The following MECOM variants were observed in gnomAD, a reference collection of about 807,000 sequenced individuals.
MECOM encodes histone-lysine N-methyltransferase MECOM.
Under a neutral mutation model 116.3 loss-of-function variants are expected in MECOM, and 13 were observed. That is an observed-to-expected ratio of 0.11 (90% confidence interval 0.07 to 0.18). MECOM has a LOEUF of 0.18. Ranked by LOEUF, MECOM falls within the 10% of genes least tolerant of loss-of-function variation. MECOM has a pLI of 1.00. For synonymous variants in MECOM, 528 were observed against 535.2 expected (o/e 0.99, Z 0.19); for missense variants, 1,299 against 1,509.0 (o/e 0.86, Z 2.31).
At chr3:169,194,405 G>A (rs1748134404) in intron 2 of MECOM, among the ~76,000 whole-genome samples, 1 of 151,886 alleles carries the variant, frequency 6.6e-6, no homozygotes, top group Non-Finnish European at 1.5e-5. Context: ...CATGGCACAT[G>A]TATACATATG....
chr3:169,402,254 G>T (rs571702825), intron 1 of MECOM, among the ~76,000 whole-genome samples: 37 of 152,286 alleles, frequency 2.4e-4, no homozygotes, highest in African/African-American at 8.7e-4. Context: ...ACATATGGGG[G>T]CTGAGGACAC....
intron 6 of MECOM, among the ~76,000 whole-genome samples, chr3:169,121,524 G>A (rs1293197092): frequency 6.6e-6 from 1 of 151,946 alleles, no homozygotes; most frequent in Admixed American, 6.6e-5. Context: ...ATAAAATGCT[G>A]GTTAAGCCAT....
intron 1 of MECOM, among the ~76,000 whole-genome samples, chr3:169,454,937 A>G (rs1200188945): frequency 6.6e-6 from 1 of 152,260 alleles, no homozygotes; most frequent in East Asian, 1.9e-4. Flanking sequence ...CAGTAACCCC[A>G]ATTTTTATCT....
intron 2 of MECOM, among the ~76,000 whole-genome samples, chr3:169,304,066 C>T (rs1347336097): frequency 6.6e-6 from 1 of 152,216 alleles, no homozygotes; most frequent in Admixed American, 6.5e-5. Context: ...TTCATCACCC[C>T]TCATGCATGA....
intron 2 of MECOM, among the ~76,000 whole-genome samples, chr3:169,332,809 T>C (rs1722977297): frequency 6.6e-6 from 1 of 152,158 alleles, no homozygotes; most frequent in Admixed American, 6.6e-5. Context: ...TTTAATGATA[T>C]TTTGTCTTAA....
chr3:169,564,240 A>G lies in MECOM; in HGVS notation c.37+99096T>C, dbSNP rs79921271. Reference sequence around the variant, plus strand: ...CATACAAGACATCTACTTGTATTCAAAAGACTAAATGTCACATATATGAAC... The same window carrying G: ...CATACAAGACATCTACTTGTATTCAGAAGACTAAATGTCACATATATGAAC... On this transcript the variant is annotated intron_variant, in intron 1 of 16. Transcript: ENST00000651503. 1.1e-4 allele frequency among the ~76,000 whole-genome samples: 16 copies of G among 152,318 alleles called. No homozygotes were observed. The East Asian group carries it at 2.9e-3, about 28-fold the overall frequency.
rs571507459 is a variant in MECOM, at chr3:169,338,841, C to T, written c.375+42346G>A. On this transcript the variant is annotated intron_variant, in intron 2 of 16. Transcript: ENST00000651503. ...GTTATTTTTTGTCTTTGCTGTTTAT[C>T]GTTACTCATAGTGTCTTAGCAGATC... Among the ~76,000 whole-genome samples the T allele has an allele frequency of 2.6e-4, 39 of 152,010 alleles. No homozygotes were observed. The South Asian group carries it at 2.9e-3, about 11-fold the overall frequency.
intron 1 of MECOM, among the ~76,000 whole-genome samples, chr3:169,538,501 G>A (rs1759663600): frequency 6.6e-6 from 1 of 152,108 alleles, no homozygotes; most frequent in Non-Finnish European, 1.5e-5. Context: ...TCCTCAGTTT[G>A]CAAAACAGAG....
At chr3:169,103,102 T>G (rs980738766) in intron 10 of MECOM, among the ~76,000 whole-genome samples, 2 of 150,668 alleles carry the variant, frequency 1.3e-5, no homozygotes, top group African/African-American at 4.9e-5. Flanking sequence ...AAGATGGCAT[T>G]TACTTTTAAA....
At position 169,403,198 on chromosome 3, in the gene MECOM, C is replaced by A. The variant is rs144144178; in HGVS notation, c.38-21674G>T. ...CAGTACTGGGTGGCTCCCCAGCCCACAGGTCCCTCAGCCTATGTGCCTTCT... is the reference window on the plus strand; with the variant it reads ...CAGTACTGGGTGGCTCCCCAGCCCAAAGGTCCCTCAGCCTATGTGCCTTCT... On this transcript the variant is annotated intron_variant, in intron 1 of 16. Transcript: ENST00000651503. Among the ~76,000 whole-genome samples, 204 of 152,316 alleles carry A rather than the reference C, an allele frequency of 1.3e-3. 1 individual carries two copies. The highest frequency in any genetic ancestry group is 4.6e-3 in the African/African-American group (193 of 41,568).
intron 2 of MECOM, among the ~76,000 whole-genome samples, chr3:169,162,973 A>AT (rs1743062553): frequency 6.6e-6 from 1 of 152,154 alleles, no homozygotes; most frequent in Non-Finnish European, 1.5e-5. Context: ...GGGTCTTCCT[A>AT]TTTTGTTTAA....
At chr3:169,497,885 T>C (rs1578268124) in intron 1 of MECOM, among the ~76,000 whole-genome samples, 2 of 152,242 alleles carry the variant, frequency 1.3e-5, no homozygotes, top group South Asian at 4.1e-4. Context: ...AAGAGTTTTG[T>C]TTTGTTTTGT....
chr3:169,475,335 G>A (rs1286714349), intron 1 of MECOM, among the ~76,000 whole-genome samples: 1 of 152,024 alleles, frequency 6.6e-6, no homozygotes, highest in East Asian at 1.9e-4. Flanking sequence ...TTGTCCCCTG[G>A]CCCAACTTTA....
At chr3:169,261,701 CAAG>C (rs1240526229) in intron 2 of MECOM, among the ~76,000 whole-genome samples, 2 of 147,746 alleles carry the variant, frequency 1.4e-5, no homozygotes, top group African/African-American at 2.6e-5. Context: ...AACTCCATCT[CAAG>C]AAGAAGAAGA....
At chr3:169,503,819 G>A (rs1383284159) in intron 1 of MECOM, among the ~76,000 whole-genome samples, 1 of 152,116 alleles carries the variant, frequency 6.6e-6, no homozygotes, top group South Asian at 2.1e-4. Context: ...CATGGGCAAA[G>A]TATATGGTAT....
intron 1 of MECOM, among the ~76,000 whole-genome samples, chr3:169,594,717 T>A (rs766655984): frequency 1.3e-5 from 2 of 151,700 alleles, no homozygotes; most frequent in African/African-American, 2.4e-5. Flanking sequence ...TTCACACAGC[T>A]GGCTTTCATA....
intron 2 of MECOM, chr3:169,147,425 C>T (rs1740242505): frequency 8.1e-6 from 8 of 985,432 alleles, no homozygotes; most frequent in Middle Eastern, 1.0e-3. Flanking sequence ...AGAAAGAACC[C>T]GGGGCGAGGG....
intron 2 of MECOM, among the ~76,000 whole-genome samples, chr3:169,225,322 G>A (rs1040680903): frequency 1.3e-5 from 2 of 152,156 alleles, no homozygotes; most frequent in Non-Finnish European, 2.9e-5. Context: ...AGATTCTGCT[G>A]CCCTGGCTGC....
At chr3:169,359,330 A>G (rs980158031) in intron 2 of MECOM, among the ~76,000 whole-genome samples, 4 of 151,828 alleles carry the variant, frequency 2.6e-5, no homozygotes, top group Admixed American at 2.0e-4. Context: ...AGTGAGATTC[A>G]TAACAGATCT....
Sources: allele counts gnomAD v4.1 joint callset (sites outside exome capture counted in the v4.1 genomes callset), GRCh38; gene constraint gnomAD v4.1.1; transcripts MANE v1.5; gene names NCBI Gene and HGNC (gene_info 2026-07-23, HGNC 2026-07-21).